Variants in SETD5 observed in about 807,000 individuals in gnomAD.
SETD5 encodes the protein histone-lysine N-methyltransferase SETD5.
In SETD5, 44 loss-of-function variants were observed where a neutral mutation model predicts 153.3. That is an observed-to-expected ratio of 0.29 (90% CI 0.23 to 0.37). The LOEUF is 0.37. SETD5 is among the 10% of genes least tolerant of loss of function. The pLI is 1.00. For synonymous variants in SETD5, 716 were observed against 645.2 expected, an observed-to-expected ratio of 1.11 and a Z score of -1.66; for missense variants, 1,544 against 1,768.0, an observed-to-expected ratio of 0.87 and a Z score of 2.27.
At chr3:9,429,987 C>G in intron 3 of SETD5, 1 of 1,254,324 alleles carries the variant, frequency 8.0e-7, no homozygotes, top group South Asian at 1.4e-5. Flanking sequence ...TGGAAAAATC[C>G]TGGTGTTTTG....
intron 2 of SETD5, among the ~76,000 whole-genome samples, chr3:9,427,194 T>C (rs1378440897): frequency 6.6e-6 from 1 of 152,182 alleles, no homozygotes; most frequent in African/African-American, 2.4e-5. Flanking sequence ...CCCACAATTT[T>C]TTTTATTTGC....
In SETD5 at chr3:9,447,211, C is replaced by G; in HGVS notation, c.1686C>G (p.Ala562=). Reference sequence around the variant, plus strand: ...TTGGTGAAGAGACAAAAACTGAAGCCCCTGAATCTGAAGTTAGCAACTCTG... The same window carrying G: ...TTGGTGAAGAGACAAAAACTGAAGCGCCTGAATCTGAAGTTAGCAACTCTG... ...TPVGEETKTE[A]PESEVSNSVS... The change falls in exon 14 of 23, where the codon GCC becomes GCG. Residue 562 remains alanine (A), a synonymous_variant. Coordinates refer to ENST00000402198, the MANE Select transcript of SETD5 (RefSeq NM_001080517.3). 6.2e-7 allele frequency: 1 copy of G among 1,613,994 alleles called. No homozygotes were observed. The highest frequency in any genetic ancestry group is 2.2e-5 in the East Asian group (1 of 44,882).
At chr3:9,470,419 C>A in intron 18 of SETD5, 40 bp from the exon 19 acceptor site, 2 of 1,519,984 alleles carry the variant, frequency 1.3e-6, no homozygotes, top group Non-Finnish European at 1.8e-6. Flanking sequence ...TTTTTCCTTT[C>A]TCCCCTACCC....
intron 18 of SETD5, 125 bp downstream of exon 18, chr3:9,464,797 T>C: frequency 6.7e-7 from 1 of 1,491,616 alleles, no homozygotes; most frequent in South Asian, 1.2e-5. Context: ...AGTAAGAGAA[T>C]GGGAAACCTC....
chr3:9,440,436 C>T lies in SETD5; in HGVS notation c.568-20C>T, dbSNP rs774796171. 8 of 1,334,356 alleles carry T rather than the reference C, an allele frequency of 6.0e-6. No individual in the cohort carries two copies. The highest frequency in any genetic ancestry group is 1.4e-5 in the African/African-American group (1 of 69,372). 82.7% of individuals were successfully genotyped at this position (1,334,356 alleles called of 1,614,324 possible). On this transcript the variant is annotated intron_variant, in intron 7 of 22. Transcript: ENST00000402198. ...TTTATGCATGGACTTTACTAACCTC[C>T]CTGAATTTGTTTTCTACAGAATTCT...
At chr3:9,399,148 T>C (rs1407635698) in intron 1 of SETD5, among the ~76,000 whole-genome samples, 1 of 151,976 alleles carries the variant, frequency 6.6e-6, no homozygotes, top group Non-Finnish European at 1.5e-5. Context: ...TTAGATGACA[T>C]ATTTGTGACC....
chr3:9,471,754 T>C (rs1212590043), intron 19 of SETD5, among the ~76,000 whole-genome samples: 1 of 152,208 alleles, frequency 6.6e-6, no homozygotes, highest in Admixed American at 6.5e-5. Flanking sequence ...TAGGAGTGTT[T>C]TGAATTGTCC....
At chr3:9,399,159 A>G (rs538201461) in intron 1 of SETD5, among the ~76,000 whole-genome samples, 1 of 152,336 alleles carries the variant, frequency 6.6e-6, no homozygotes, top group South Asian at 2.1e-4. Context: ...ATTTGTGACC[A>G]AGGTCATATT....
intron 7 of SETD5, among the ~76,000 whole-genome samples, chr3:9,439,170 G>A (rs959689107): frequency 6.6e-6 from 1 of 152,154 alleles, no homozygotes; most frequent in Non-Finnish European, 1.5e-5. Flanking sequence ...ATTCTTTTGC[G>A]CAACTGCTAC....
rs141405783 is a variant in SETD5, at chr3:9,418,890, A to C, written c.-176-5577A>C. 2.3e-3 allele frequency among the ~76,000 whole-genome samples: 344 copies of C among 151,974 alleles called. 3 individuals are homozygous for C. Among genetic ancestry groups the C allele is most frequent in the Middle Eastern group, 0.01 (3 of 292 alleles). On this transcript the variant is annotated intron_variant, in intron 1 of 22. Transcript: ENST00000402198. ...TAGGGTTTCTAGAGCGCAGTGGTGT[A>C]ATCTTGGCTCACTGCAACCTCCACC...
chr3:9,461,413 G>A (rs777656954), intron 17 of SETD5, among the ~76,000 whole-genome samples: 11 of 152,084 alleles, frequency 7.2e-5, no homozygotes, highest in South Asian at 2.1e-4. Context: ...GCAATGTCTC[G>A]ATAAAAATTT....
At chr3:9,430,535 C>T (rs2039835687) in intron 3 of SETD5, 1 of 232,688 alleles carries the variant, frequency 4.3e-6, no homozygotes, top group Admixed American at 6.5e-5. Context: ...AAATAAAGTA[C>T]TTAAAACTCT....
intron 2 of SETD5, among the ~76,000 whole-genome samples, chr3:9,425,307 G>A (rs962623184): frequency 3.3e-5 from 5 of 151,588 alleles, no homozygotes; most frequent in Non-Finnish European, 7.4e-5. Context: ...CAGGTGATCC[G>A]CCCACCTCAG....
At chr3:9,399,775 TG>T (rs1665988450) in intron 1 of SETD5, among the ~76,000 whole-genome samples, 1 of 151,918 alleles carries the variant, frequency 6.6e-6, no homozygotes, top group Non-Finnish European at 1.5e-5. Flanking sequence ...ACCTTAGGAT[TG>T]TTTCTTTCTT....
Position 9,447,979 on chromosome 3 carries a change from T to C in SETD5, c.2076T>C (p.Ala692=). Residue 692 remains alanine (A), a synonymous_variant, in exon 15 of 23, where the codon GCT becomes GCC. Coordinates refer to ENST00000402198, the MANE Select transcript of SETD5 (RefSeq NM_001080517.3). The part of the protein sequence containing the change: ...VSITGSHVNR[A]ASKYPKTKKY... ...TTACTGGATCCCATGTCAACCGTGC[T>C]GCATCTAAATACCCCAAAACCAAAA... is the stretch of plus-strand genomic sequence containing the variant. 1.9e-6 allele frequency: 3 copies of C among 1,613,350 alleles called. No individual in the cohort carries two copies. The highest frequency in any genetic ancestry group is 2.5e-6 in the Non-Finnish European group (3 of 1,179,378).
intron 1 of SETD5, among the ~76,000 whole-genome samples, chr3:9,401,531 T>C (rs896569141): frequency 1.3e-5 from 2 of 152,218 alleles, no homozygotes; most frequent in Non-Finnish European, 2.9e-5. Flanking sequence ...TATTCTGGCT[T>C]TTCTGGGGAG....
At chr3:9,435,103 T>G (rs1423114116) in intron 6 of SETD5, among the ~76,000 whole-genome samples, 1 of 151,814 alleles carries the variant, frequency 6.6e-6, no homozygotes, top group Non-Finnish European at 1.5e-5. Flanking sequence ...AATAGCCAGG[T>G]GTGGTGGCGC....
Position 9,434,854 on chromosome 3 carries a change from T to C in SETD5, c.360T>C (p.Leu120=), listed in dbSNP as rs1327944833. Residue 120 remains leucine, a synonymous_variant, in exon 6 of 23, where the codon CTT becomes CTC. Transcript: ENST00000402198. The surrounding 1 kb of genome is among the most constrained non-coding windows in gnomAD (Gnocchi z 5.6). ...TGAGCAGGGGGAAGGTTATTAGACT[T>C]CATCGGCGGAAGCAGGACAACATAT... The part of the protein sequence containing the change: ...RGMSRGKVIR[L]HRRKQDNISG... The C allele has an allele frequency of 1.9e-6, 3 of 1,613,426 alleles. No individual in the cohort carries two copies. The highest frequency in any genetic ancestry group is 2.5e-6 in the Non-Finnish European group (3 of 1,179,764).
rs768477106 is a variant in SETD5 at position 9,473,308 on chromosome 3, G to A, written c.3268G>A (p.Ala1090Thr). The change falls in exon 20 of 23, where the codon GCA (alanine) becomes ACA (threonine). Residue 1090 changes from alanine to threonine, a missense_variant. Ala to Thr is a moderately conservative substitution (Grantham distance 58). Transcript: ENST00000402198. ...ENSAGGGGDSAQSKSKSAGAG... is the reference protein window; with the variant it reads ...ENSAGGGGDSTQSKSKSAGAG... ...TTCTGCTGGTGGGGGAGGTGACTCT[G>A]CACAGAGCAAAAGCAAGTCTGCAGG... The A allele has an allele frequency of 1.9e-6, 3 of 1,613,970 alleles. No homozygotes were observed. The highest frequency in any genetic ancestry group is 1.3e-5 in the African/African-American group (1 of 75,020).
Sources: gnomAD v4.1 joint callset for allele counts (sites outside exome capture counted in the v4.1 genomes callset) on GRCh38, gnomAD v4.1.1 for gene constraint, Gnocchi (gnomAD v3.1) non-coding constraint, MANE v1.5 for transcripts, NCBI Gene and HGNC (gene_info 2026-07-23, HGNC 2026-07-21) for gene names.